ARHGAP32: variants seen among roughly 807,000 people sequenced by gnomAD.
ARHGAP32 encodes rho GTPase-activating protein 32.
ARHGAP32 carries 51 observed loss-of-function variants against 186.5 expected under a neutral mutation model. The ratio of observed to expected loss-of-function variants is 0.27; its 90% CI spans 0.22 to 0.35. The LOEUF is 0.35. Ranked by LOEUF, ARHGAP32 falls within the 10% of genes least tolerant of loss-of-function variation. ARHGAP32 has a pLI of 1.00. For missense variants in ARHGAP32, 2,186 were observed against 2,623.5 expected (o/e 0.83, Z 3.64); for synonymous variants, 950 against 964.3 (o/e 0.99, Z 0.27).
rs143766006 is a variant in ARHGAP32 at position 129,153,659 on chromosome 11, G to C, written c.225+10660C>G. Among the ~76,000 whole-genome samples, 3 of 152,292 alleles carry C rather than the reference G, an allele frequency of 2.0e-5. No individual in the cohort carries two copies. In the East Asian group the frequency reaches 5.8e-4, roughly 29 times the overall value. On this transcript the variant is annotated intron_variant, in intron 2 of 22. Transcript: ENST00000682385. ...GTAAGGGATACCTATTCAACAAATG[G>C]TGCTGGGATAATTGGCAAGCCAAAT... is the stretch of plus-strand genomic sequence containing the variant.
Position 128,974,432 on chromosome 11 carries a change from G to C in ARHGAP32, c.2765C>G (p.Ser922Cys), listed in dbSNP as rs1945485214. The C allele has an allele frequency of 6.2e-7, 1 of 1,614,202 alleles. No individual in the cohort carries two copies. Among genetic ancestry groups the C allele is most frequent in the Admixed American group, 1.7e-5 (1 of 60,030 alleles). ...TGGTAGGGTCACTGAAATTGGCTCAGATATGCTCATAGAAGGTGATTTGCT... is the reference window on the plus strand; with the variant it reads ...TGGTAGGGTCACTGAAATTGGCTCACATATGCTCATAGAAGGTGATTTGCT... ...KLSKSPSMSI[S>C]EPISVTLPPR... The change falls in exon 21 of 23, where the codon TCT (serine) becomes TGT (cysteine). Residue 922 changes from serine (S) to cysteine (C), a missense_variant. This residue lies in a region of ARHGAP32 where 1,502 missense variants were observed against 1,570.0 expected (regional missense o/e 0.96). Transcript: ENST00000682385.
intron 1 of ARHGAP32, among the ~76,000 whole-genome samples, chr11:129,185,146 T>C (rs1314051342): frequency 2.0e-5 from 3 of 152,186 alleles, no homozygotes; most frequent in East Asian, 1.9e-4. Flanking sequence ...TAAAGACACA[T>C]GCACACGTAT....
At chr11:128,993,976 G>GA (rs1946131248) in intron 12 of ARHGAP32, among the ~76,000 whole-genome samples, 1 of 152,154 alleles carries the variant, frequency 6.6e-6, no homozygotes, top group African/African-American at 2.4e-5. Flanking sequence ...GGGAACAGAT[G>GA]AACACTGTAG....
At chr11:129,100,779 C>T (rs1210703109) in intron 5 of ARHGAP32, among the ~76,000 whole-genome samples, 2 of 152,092 alleles carry the variant, frequency 1.3e-5, no homozygotes, top group Non-Finnish European at 1.5e-5. Context: ...CCCACCAGCT[C>T]CCAAGCCAAC....
chr11:129,107,868 C>CAAAAAAAA (rs71057924), intron 5 of ARHGAP32, among the ~76,000 whole-genome samples: 3 of 93,398 alleles, frequency 3.2e-5, no homozygotes, highest in African/African-American at 4.3e-5. Context: ...AACTATGTTT[C>CAAAAAAAA]AAAAAAAAAA....
At chr11:129,047,723 A>G (rs928454169) in intron 10 of ARHGAP32, among the ~76,000 whole-genome samples, 10 of 152,180 alleles carry the variant, frequency 6.6e-5, no homozygotes, top group Non-Finnish European at 4.4e-5. Flanking sequence ...ACATGCTTAA[A>G]GAACCTAATC....
In ARHGAP32 at chr11:129,047,582, T is replaced by C. The variant is rs188830451; in HGVS notation, c.964-6573A>G. 7.2e-4 allele frequency among the ~76,000 whole-genome samples: 109 copies of C among 152,184 alleles called. 4 individuals carry two copies. Among genetic ancestry groups the C allele is most frequent in the Admixed American group, 7.1e-3 (108 of 15,278 alleles). On this transcript the variant is annotated intron_variant, in intron 10 of 22. Coordinates refer to ENST00000682385, the MANE Select transcript of ARHGAP32 (RefSeq NM_001378024.1). Reference sequence around the variant, plus strand: ...CAGCAAACCACCACAACTAAATCAATTCACTACCATACTTGCATGTCTGTG... The same window carrying C: ...CAGCAAACCACCACAACTAAATCAACTCACTACCATACTTGCATGTCTGTG...
rs1945865344 is a variant in ARHGAP32 at position 128,986,077 on chromosome 11, A to C, written c.1452T>G (p.Val484=). 1 of 1,605,350 alleles carries C rather than the reference A, an allele frequency of 6.2e-7. No individual in the cohort carries two copies. The change falls in exon 15 of 23, where the codon GTT becomes GTG. Residue 484 remains valine (V), a synonymous_variant. Transcript: ENST00000682385. ...GCCTTTCTTCATCTGTTGCTGCTGAAACTGCATCCTAGAAGAGTCACAGTA... is the reference window on the plus strand; with the variant it reads ...GCCTTTCTTCATCTGTTGCTGCTGACACTGCATCCTAGAAGAGTCACAGTA... The part of the protein sequence containing the change: ...YQLYEKFSDA[V]SAATDEERLI...
At chr11:128,999,660 TCTTTAC>T (rs1946301086) in intron 11 of ARHGAP32, among the ~76,000 whole-genome samples, 1 of 152,210 alleles carries the variant, frequency 6.6e-6, no homozygotes, top group South Asian at 2.1e-4. Context: ...TCTTTTGTAC[TCTTTAC>T]CTTTATTTCT....
At chr11:129,262,387 C>CTT (rs796171922) in intron 1 of ARHGAP32, among the ~76,000 whole-genome samples, 2 of 144,422 alleles carry the variant, frequency 1.4e-5, no homozygotes. Flanking sequence ...GCAAAAGCTA[C>CTT]TTTTTTTTTT....
chr11:128,985,109 TC>T (rs1945823871), intron 15 of ARHGAP32, among the ~76,000 whole-genome samples: 2 of 152,110 alleles, frequency 1.3e-5, no homozygotes, highest in African/African-American at 4.8e-5. Context: ...AACCTCCACC[TC>T]CCAAGTTCAA....
chr11:129,135,260 G>T (rs1942909751), intron 2 of ARHGAP32, among the ~76,000 whole-genome samples: 1 of 152,176 alleles, frequency 6.6e-6, no homozygotes, highest in Non-Finnish European at 1.5e-5. Flanking sequence ...CTACTTATCA[G>T]ATATCAAGTT....
rs1479957606 is a variant in ARHGAP32, at chr11:128,969,453, A to G, written c.5760T>C (p.Tyr1920=). The part of the protein sequence containing the change: ...PYPQGAGQLD[Y]GSKGIPDTSE... ...AAGTGTCTGGAATCCCTTTGGACCC[A>G]TAATCTAACTGGCCAGCTCCCTGGG... The change falls in exon 23 of 23, where the codon TAT becomes TAC. Residue 1920 remains tyrosine (Y), a synonymous_variant. Transcript: ENST00000682385. This position sits in a 1 kb window ranked among gnomAD's most constrained non-coding sequence, Gnocchi z 4.8. 1.2e-6 allele frequency: 2 copies of G among 1,614,074 alleles called. No homozygotes were observed. Among genetic ancestry groups the G allele is most frequent in the East Asian group, 2.2e-5 (1 of 44,900 alleles).
At chr11:129,132,288 G>A (rs898838267) in intron 2 of ARHGAP32, among the ~76,000 whole-genome samples, 2 of 152,152 alleles carry the variant, frequency 1.3e-5, no homozygotes, top group Non-Finnish European at 1.5e-5. Context: ...AGGCCAGCCT[G>A]GGCAACAGAG....
chr11:129,179,625 T>G (rs1443593221), intron 1 of ARHGAP32, among the ~76,000 whole-genome samples: 2 of 151,958 alleles, frequency 1.3e-5, no homozygotes, highest in Non-Finnish European at 2.9e-5. Flanking sequence ...TAAAAAATGA[T>G]GAGTTCATGT....
intron 1 of ARHGAP32, among the ~76,000 whole-genome samples, chr11:129,177,059 AAGAG>A (rs958557174): frequency 6.8e-4 from 103 of 151,000 alleles, no homozygotes; most frequent in African/African-American, 2.2e-3. Context: ...TAAAGAAAAA[AAGAG>A]AGAAGAATCA....
At chr11:129,005,749 T>C (rs1417668193) in intron 11 of ARHGAP32, among the ~76,000 whole-genome samples, 5 of 152,194 alleles carry the variant, frequency 3.3e-5, no homozygotes, top group African/African-American at 1.2e-4. Flanking sequence ...TAAATCTGTT[T>C]AGTGTTTTGT....
intron 11 of ARHGAP32, among the ~76,000 whole-genome samples, chr11:129,005,316 TC>T (rs905076707): frequency 6.6e-6 from 1 of 152,190 alleles, no homozygotes; most frequent in African/African-American, 2.4e-5. Context: ...GTTATAATAT[TC>T]CATGTCTGTG....
At chr11:128,977,556 C>T (rs1945581054) in intron 19 of ARHGAP32, among the ~76,000 whole-genome samples, 1 of 152,138 alleles carries the variant, frequency 6.6e-6, no homozygotes, top group Non-Finnish European at 1.5e-5. Flanking sequence ...TCTTAGTCTC[C>T]TGTCAGTTAG....
Sources: gnomAD v4.1 joint callset for allele counts (sites outside exome capture counted in the v4.1 genomes callset) on GRCh38, gnomAD v4.1.1 for gene constraint, gnomAD v4.1.1 regional missense constraint, Gnocchi (gnomAD v3.1) non-coding constraint, MANE v1.5 for transcripts, NCBI Gene and HGNC (gene_info 2026-07-23, HGNC 2026-07-21) for gene names.